The following INTS12 variants were observed in gnomAD, a reference collection of about 807,000 sequenced individuals.
INTS12 encodes the protein integrator complex subunit 12.
A neutral mutation model predicts 41.6 loss-of-function variants in INTS12; 13 were observed. The observed-to-expected ratio is 0.31, with a 90% confidence interval of 0.20 to 0.50. INTS12 has a LOEUF of 0.50. Among genes scored for constraint, INTS12 ranks in the 20% least tolerant of loss-of-function variants. The probability of loss-of-function intolerance (pLI) is 0.98; values close to 1 mark genes in which losing one functional copy is unlikely to be tolerated. For missense variants in INTS12, 432 were observed against 541.6 expected (o/e 0.80, Z 2.01); for synonymous variants, 199 against 191.4 (o/e 1.04, Z -0.33).
rs199536680 is a variant in INTS12 at position 105,686,844 on chromosome 4, A to G, written c.658-6T>C. 4.0e-4 allele frequency: 653 copies of G among 1,612,862 alleles called. 2 individuals carry two copies. Among genetic ancestry groups the G allele is most frequent in the Middle Eastern group, 8.2e-4 (5 of 6,080 alleles). On this transcript the variant is annotated splice_polypyrimidine_tract_variant and splice_region_variant and intron_variant, in intron 6 of 7. Coordinates refer to ENST00000340139, the MANE Select transcript of INTS12 (RefSeq NM_020395.4). ...GGTTTCTGAGTTTTTTGAGCCTGCA[A>G]AAATCAGTGGATTAAATCAGATACA... is the stretch of plus-strand genomic sequence containing the variant.
chr4:105,705,275 GCTC>G (rs1732225407), intron 1 of INTS12: 1 of 152,218 alleles, frequency 6.6e-6, no homozygotes, highest in Admixed American at 6.5e-5. Flanking sequence ...TACGTTGTGT[GCTC>G]CTCATGAGAA....
intron 7 of INTS12, among the ~76,000 whole-genome samples, chr4:105,686,072 CT>C (rs1168990409): frequency 6.6e-6 from 1 of 151,950 alleles, no homozygotes; most frequent in Non-Finnish European, 1.5e-5. Flanking sequence ...ATTTCTTTTT[CT>C]TTTTTTGAGT....
rs17036109 is a variant in INTS12, at chr4:105,684,085, G to A, written c.805-768C>T. ...ATTAGGCTGCACAGTGACATTTTGG[G>A]TAGGACTGATCTCATTCTCTGATAT... On this transcript the variant is annotated intron_variant, in intron 7 of 7. Coordinates refer to ENST00000340139, the MANE Select transcript of INTS12 (RefSeq NM_020395.4). Among the ~76,000 whole-genome samples, 999 of 152,164 alleles carry A rather than the reference G, an allele frequency of 6.6e-3. 14 individuals carry two copies. The highest frequency in any genetic ancestry group is 0.023 in the African/African-American group (941 of 41,522).
In INTS12 at chr4:105,700,100, A is replaced by G. The variant is rs115307578; in HGVS notation, c.-9-86T>C. ...TTACTTTTCTGTTTTTTAATTTGTA[A>G]TAGATAATACTGTACACATGATATA... On this transcript the variant is annotated intron_variant, in intron 2 of 7. Transcript: ENST00000340139. 2.2e-3 allele frequency: 1,953 copies of G among 878,430 alleles called. 24 individuals are homozygous for G. The African/African-American group carries it at 0.027, about 12-fold the overall frequency. The allele number at this position is 878,430 out of a possible 1,614,324, so 54.4% of individuals were successfully genotyped here. A position where few individuals can be genotyped will look rare whatever the true frequency, so the allele number is the denominator to read the frequency against.
At chr4:105,694,444 G>A (rs1731790524) in intron 4 of INTS12, among the ~76,000 whole-genome samples, 1 of 152,030 alleles carries the variant, frequency 6.6e-6, no homozygotes, top group South Asian at 2.1e-4. Flanking sequence ...TCACGTCTCA[G>A]CCTCCTGAGG....
At chr4:105,701,389 T>A (rs1259613903) in intron 2 of INTS12, among the ~76,000 whole-genome samples, 3 of 152,156 alleles carry the variant, frequency 2.0e-5, no homozygotes. Context: ...AGTAACCTTA[T>A]CTCAAACTGT....
intron 3 of INTS12, among the ~76,000 whole-genome samples, chr4:105,696,615 G>C (rs1560778829): frequency 6.6e-6 from 1 of 152,096 alleles, no homozygotes; most frequent in Non-Finnish European, 1.5e-5. Flanking sequence ...CCTATTGATG[G>C]ATATTTGGGT....
intron 7 of INTS12, among the ~76,000 whole-genome samples, chr4:105,684,152 T>C (rs1455503840): frequency 6.6e-6 from 1 of 152,162 alleles, no homozygotes; most frequent in Admixed American, 6.5e-5. Flanking sequence ...TGATTAACTT[T>C]CCTGGCTAAT....
intron 2 of INTS12, among the ~76,000 whole-genome samples, chr4:105,703,430 T>G (rs1435864442): frequency 6.6e-6 from 1 of 152,170 alleles, no homozygotes; most frequent in Non-Finnish European, 1.5e-5. Flanking sequence ...TGAACAATGA[T>G]CTTTTTTCTG....
In INTS12 at chr4:105,708,667, T is replaced by C; in HGVS notation, c.-201A>G. 8.6e-6 allele frequency: 8 copies of C among 929,494 alleles called. No homozygotes were observed. In the South Asian group the frequency reaches 2.5e-4, roughly 29 times the overall value. The allele number at this position is 929,494 out of a possible 1,614,324, so 57.6% of individuals were successfully genotyped here. A position where few individuals can be genotyped will look rare whatever the true frequency, so the allele number is the denominator to read the frequency against. ...CCGCCCCGCCCTGCCGATCCGTCTGTTCCCGGTGGTCCCTTCGGAAACGGT... is the reference window on the plus strand; with the variant it reads ...CCGCCCCGCCCTGCCGATCCGTCTGCTCCCGGTGGTCCCTTCGGAAACGGT... On this transcript the variant is annotated 5_prime_UTR_variant, in exon 1 of 8. Coordinates refer to ENST00000340139, the MANE Select transcript of INTS12 (RefSeq NM_020395.4).
At chr4:105,693,637 T>C (rs1424970170) in intron 4 of INTS12, 151 bp from the exon 5 acceptor site, 5 of 553,244 alleles carry the variant, frequency 9.0e-6, no homozygotes, top group African/African-American at 1.8e-5. Context: ...ACATTAAAGA[T>C]CTGTAGAAGA....
intron 3 of INTS12, 128 bp downstream of exon 3, chr4:105,699,722 A>C: frequency 1.4e-6 from 1 of 715,234 alleles, no homozygotes; most frequent in Non-Finnish European, 2.1e-6. Context: ...AAAATAAAGA[A>C]TATAATTTCT....
At chr4:105,696,162 T>A (rs971647162) in intron 3 of INTS12, among the ~76,000 whole-genome samples, 1 of 152,232 alleles carries the variant, frequency 6.6e-6, no homozygotes, top group Non-Finnish European at 1.5e-5. Context: ...AAACTACACC[T>A]ACTTAAAGTG....
At chr4:105,697,647 C>A (rs1032538683) in intron 3 of INTS12, among the ~76,000 whole-genome samples, 11 of 152,268 alleles carry the variant, frequency 7.2e-5, no homozygotes, top group Admixed American at 6.5e-4. Context: ...GACCATCTGG[C>A]ACACAAAATC....
At chr4:105,708,288 G>C in intron 1 of INTS12, 1 of 985,464 alleles carries the variant, frequency 1.0e-6, no homozygotes, top group Non-Finnish European at 1.2e-6. Flanking sequence ...CCTAGAATGG[G>C]GGATGGTCCT....
rs944197411 is a variant in INTS12, at chr4:105,682,660, T to C, written c.*73A>G. The C allele has an allele frequency of 4.2e-5, 45 of 1,068,690 alleles. 1 individual carries two copies. In the South Asian group the frequency reaches 4.5e-4, roughly 11 times the overall value. The allele number at this position is 1,068,690 out of a possible 1,614,324, so 66.2% of individuals were successfully genotyped here. On this transcript the variant is annotated 3_prime_UTR_variant, in exon 8 of 8. Coordinates refer to ENST00000340139, the MANE Select transcript of INTS12 (RefSeq NM_020395.4). ...TGAAGACTTTTATTAAATTACAGTG[T>C]ATTACAGATTATATCATAATAATAA...
chr4:105,691,815 T>C (rs974031378), intron 6 of INTS12, among the ~76,000 whole-genome samples, 161 bp downstream of exon 6: 1 of 152,192 alleles, frequency 6.6e-6, no homozygotes, highest in Non-Finnish European at 1.5e-5. Context: ...TCTTTAGCAA[T>C]AGAAATATTA....
chr4:105,683,234 A>G lies in INTS12; in HGVS notation c.888T>C (p.Phe296=). ...VTSGLTGWAA[F]AAKTSSAGPS... is the part of the protein sequence containing the mutation. ...GACCAGCAGAGGAAGTTTTGGCTGCAAAAGCTGCCCATCCAGTTAAGCCAC... is the reference window on the plus strand; with the variant it reads ...GACCAGCAGAGGAAGTTTTGGCTGCGAAAGCTGCCCATCCAGTTAAGCCAC... Residue 296 remains phenylalanine (F), a synonymous_variant, in exon 8 of 8, where the codon TTT becomes TTC. Coordinates refer to ENST00000340139, the MANE Select transcript of INTS12 (RefSeq NM_020395.4). The G allele has an allele frequency of 1.2e-6, 2 of 1,614,096 alleles. No homozygotes were observed. The highest frequency in any genetic ancestry group is 4.5e-5 in the East Asian group (2 of 44,880).
chr4:105,688,378 T>C (rs950223273), intron 6 of INTS12, among the ~76,000 whole-genome samples: 3 of 152,206 alleles, frequency 2.0e-5, no homozygotes, highest in African/African-American at 7.2e-5. Context: ...GGCCTTCTTG[T>C]GTAATCTTGG....
Sources: allele counts gnomAD v4.1 joint callset (sites outside exome capture counted in the v4.1 genomes callset), GRCh38; gene constraint gnomAD v4.1.1; transcripts MANE v1.5; gene names NCBI Gene and HGNC (gene_info 2026-07-23, HGNC 2026-07-21).